Variants in CSDE1 observed in about 807,000 individuals in gnomAD.
The protein encoded by CSDE1 is cold shock domain containing E1.
Under a neutral mutation model 89.3 loss-of-function variants are expected in CSDE1, and 17 were observed. That is an observed-to-expected ratio of 0.19 (90% CI 0.13 to 0.29). The LOEUF (loss-of-function observed/expected upper bound fraction) is 0.29, where lower values mean the gene tolerates loss of function less well. CSDE1 is among the 10% of genes least tolerant of loss of function. The probability of loss-of-function intolerance (pLI) is 1.00; values close to 1 mark genes in which losing one functional copy is unlikely to be tolerated. For missense variants in CSDE1, 672 were observed against 984.2 expected (o/e 0.68, Z 4.24); for synonymous variants, 322 against 332.8 (o/e 0.97, Z 0.35).
chr1:114,727,620 T>C (rs979182307), intron 12 of CSDE1: 8 of 152,194 alleles, frequency 5.3e-5, no homozygotes, highest in African/African-American at 1.9e-4. Flanking sequence ...AATTATGACA[T>C]ACTAGTATTT....
At chr1:114,726,036 A>G (rs1323942467) in intron 14 of CSDE1, among the ~76,000 whole-genome samples, 175 bp downstream of exon 14, 1 of 152,236 alleles carries the variant, frequency 6.6e-6, no homozygotes, top group East Asian at 1.9e-4. Context: ...TTTTGGCCAC[A>G]GGCTCTGTAT....
In CSDE1 at chr1:114,725,352, A is replaced by AC; in HGVS notation, c.1641-20dup. 1 of 1,567,266 alleles carries AC rather than the reference A, an allele frequency of 6.4e-7. No homozygotes were observed. Among genetic ancestry groups the AC allele is most frequent in the Non-Finnish European group, 8.8e-7 (1 of 1,137,572 alleles). ...GAACTCACTAAGGAGAAAGGAAATGACATTTAACTAAACATTACCATAAAC... is the reference window on the plus strand; with the variant it reads ...GAACTCACTAAGGAGAAAGGAAATGACCATTTAACTAAACATTACCATAAAC... On this transcript the variant is annotated intron_variant, in intron 14 of 19. Coordinates refer to ENST00000358528, the MANE Select transcript of CSDE1 (RefSeq NM_001007553.3).
chr1:114,752,685 G>C (rs2101092179), intron 1 of CSDE1, among the ~76,000 whole-genome samples: 1 of 152,252 alleles, frequency 6.6e-6, no homozygotes, highest in East Asian at 1.9e-4. Flanking sequence ...AAAATACTAT[G>C]TTGTGATCTT....
chr1:114,737,589 C>G, intron 4 of CSDE1, 26 bp from the exon 5 acceptor site: 1 of 1,523,048 alleles, frequency 6.6e-7, no homozygotes, highest in African/African-American at 1.4e-5. Flanking sequence ...AAAAAAATTT[C>G]CATTGCTAAT....
intron 2 of CSDE1, among the ~76,000 whole-genome samples, chr1:114,743,571 C>A (rs1660851952): frequency 6.6e-6 from 1 of 152,182 alleles, no homozygotes; most frequent in East Asian, 1.9e-4. Flanking sequence ...AATATATATG[C>A]CTTAAAGCTG....
intron 14 of CSDE1, among the ~76,000 whole-genome samples, chr1:114,725,859 C>T (rs949001753): frequency 6.6e-6 from 1 of 152,174 alleles, no homozygotes; most frequent in Non-Finnish European, 1.5e-5. Context: ...TGGCCTCGAA[C>T]TCCTGGGCTC....
intron 16 of CSDE1, among the ~76,000 whole-genome samples, chr1:114,721,669 A>C (rs1451446177): frequency 6.6e-6 from 1 of 152,124 alleles, no homozygotes; most frequent in African/African-American, 2.4e-5. Flanking sequence ...GGCTCACTGC[A>C]GCCTTGATTT....
chr1:114,740,079 A>G (rs1570935512), intron 2 of CSDE1, among the ~76,000 whole-genome samples, 189 bp from the exon 3 acceptor site: 1 of 152,248 alleles, frequency 6.6e-6, no homozygotes, highest in Non-Finnish European at 1.5e-5. Flanking sequence ...ACAACTTATT[A>G]TATTGGGGAA....
intron 6 of CSDE1, among the ~76,000 whole-genome samples, chr1:114,734,916 A>C (rs967486807): frequency 6.6e-6 from 1 of 152,248 alleles, no homozygotes; most frequent in Non-Finnish European, 1.5e-5. Context: ...GTTATTCATT[A>C]AACAAACATT....
intron 16 of CSDE1, among the ~76,000 whole-genome samples, chr1:114,723,385 G>T (rs1006699195): frequency 2.0e-5 from 3 of 152,192 alleles, no homozygotes; most frequent in African/African-American, 7.2e-5. Flanking sequence ...GAAGAAGAAA[G>T]TAGAGAATGA....
chr1:114,720,438 G>A (rs1659452787), intron 17 of CSDE1, 101 bp downstream of exon 17: 14 of 1,135,958 alleles, frequency 1.2e-5, no homozygotes, highest in Admixed American at 1.1e-4. Context: ...ATAAAAAAAC[G>A]AATGAATGTT....
intron 2 of CSDE1, chr1:114,746,879 T>G (rs1661038997): frequency 1.3e-5 from 2 of 152,274 alleles, no homozygotes; most frequent in South Asian, 4.1e-4. Context: ...ATCAGGACAT[T>G]TACAGTTCCT....
intron 2 of CSDE1, among the ~76,000 whole-genome samples, chr1:114,743,242 A>G (rs1660829565): frequency 6.6e-6 from 1 of 152,102 alleles, no homozygotes; most frequent in Non-Finnish European, 1.5e-5. Context: ...CCCAGCCTGG[A>G]GTGCAGTGGT....
intron 1 of CSDE1, among the ~76,000 whole-genome samples, chr1:114,753,088 TCTC>T (rs1290815488): frequency 6.6e-6 from 1 of 152,202 alleles, no homozygotes; most frequent in African/African-American, 2.4e-5. Flanking sequence ...CAAGAAATAA[TCTC>T]TTCTTTAAAA....
In CSDE1 at chr1:114,730,353, G is replaced by A; in HGVS notation, c.1261C>T (p.His421Tyr). The A allele has an allele frequency of 6.2e-7, 1 of 1,614,140 alleles. No homozygotes were observed. Among genetic ancestry groups the A allele is most frequent in the South Asian group, 1.1e-5 (1 of 91,080 alleles). ...AGAAAACGGTGATCTGAATGGGAAT[G>A]AAATGAAACCGTGCCCTTGGGAAGT... The part of the protein sequence containing the change: ...KKLPKGTVSF[H>Y]SHSDHRFLGT... Residue 421 changes from histidine (H) to tyrosine (Y), a missense_variant, in exon 12 of 20, where the codon CAT becomes TAT. Physicochemically the swap from His to Tyr is moderately conservative, Grantham distance 83. Coordinates refer to ENST00000358528, the MANE Select transcript of CSDE1 (RefSeq NM_001007553.3).
intron 4 of CSDE1, 88 bp from the exon 5 acceptor site, chr1:114,737,651 AC>A: frequency 4.2e-6 from 4 of 959,466 alleles, no homozygotes; most frequent in Non-Finnish European, 6.5e-6. Context: ...TATCCTCTAT[AC>A]TATATACAGG....
intron 1 of CSDE1, among the ~76,000 whole-genome samples, chr1:114,752,302 A>G (rs1237934650): frequency 6.6e-6 from 1 of 152,148 alleles, no homozygotes; most frequent in Non-Finnish European, 1.5e-5. Context: ...AAACATCTTC[A>G]GTTATTTTTC....
intron 2 of CSDE1, among the ~76,000 whole-genome samples, chr1:114,745,609 T>G (rs1558006241): frequency 6.6e-6 from 1 of 152,206 alleles, no homozygotes; most frequent in Non-Finnish European, 1.5e-5. Context: ...CACAATTAAG[T>G]TCATACAATG....
At chr1:114,727,999 A>G (rs1659891235) in intron 12 of CSDE1, among the ~76,000 whole-genome samples, 1 of 152,186 alleles carries the variant, frequency 6.6e-6, no homozygotes, top group Non-Finnish European at 1.5e-5. Flanking sequence ...TCCTCATTAC[A>G]AACTACGATA....
Sources: allele counts gnomAD v4.1 joint callset (sites outside exome capture counted in the v4.1 genomes callset), GRCh38; gene constraint gnomAD v4.1.1; transcripts MANE v1.5; gene names NCBI Gene and HGNC (gene_info 2026-07-23, HGNC 2026-07-21).